The following CNBD2 variants were observed in gnomAD, a reference collection of about 807,000 sequenced individuals.
CNBD2 encodes cyclic nucleotide binding domain containing 2.
A neutral mutation model predicts 63.7 loss-of-function variants in CNBD2; 64 were observed. The ratio of observed to expected loss-of-function variants is 1.00; its 90% CI spans 0.82 to 1.24. The LOEUF (loss-of-function observed/expected upper bound fraction) is 1.24. Among genes scored for constraint, CNBD2 ranks in the 50% most tolerant of loss-of-function variants. The pLI is 0.00. For synonymous variants in CNBD2, 229 were observed against 255.4 expected (o/e 0.90, Z 0.99); for missense variants, 691 against 713.5 (o/e 0.97, Z 0.36).
upstream of CNBD2, chr20:35,954,424 C>G: frequency 6.4e-7 from 1 of 1,550,992 alleles, no homozygotes; most frequent in Non-Finnish European, 8.7e-7. Flanking sequence ...GACTCGGGAC[C>G]GGCCGAGAGT....
chr20:36,000,753 ATTTT>A (rs34139279), intron 8 of CNBD2, among the ~76,000 whole-genome samples: 1 of 121,622 alleles, frequency 8.2e-6, no homozygotes, highest in African/African-American at 3.3e-5. Flanking sequence ...TGTGTATGAA[ATTTT>A]TTTTTTTTTT....
rs147086070 is a variant in CNBD2 at position 36,018,573 on chromosome 20, ACCCGCC to A, written c.1270-5025_1270-5020del. ...ATGAGAGTGGTAACTGCTTGACTGA[ACCCGCC>A]CCCTGGAAGGTGGGTCACATCGTCC... On this transcript the variant is annotated intron_variant, in intron 10 of 11. Coordinates refer to ENST00000373973, the MANE Select transcript of CNBD2 (RefSeq NM_001365709.1). Among the ~76,000 whole-genome samples the A allele has an allele frequency of 3.8e-4, 58 of 152,128 alleles. No individual in the cohort carries two copies. In the East Asian group the frequency reaches 9.8e-3, roughly 26 times the overall value.
At chr20:36,008,556 A>G in intron 9 of CNBD2, 82 bp downstream of exon 9, 1 of 1,380,078 alleles carries the variant, frequency 7.2e-7, no homozygotes, top group East Asian at 2.4e-5. Flanking sequence ...AATGTCAGGG[A>G]TGCGGATAAG....
chr20:35,995,095 T>A lies in CNBD2; in HGVS notation c.913T>A (p.Trp305Arg). The change falls in exon 8 of 12, where the codon TGG (tryptophan) becomes AGG (arginine). Residue 305 changes from tryptophan (W) to arginine (R), a missense_variant. Physicochemically the swap from Trp to Arg is moderately radical, Grantham distance 101. Transcript: ENST00000373973. ...DLGASPSYRR[W>R]IWQHLELIDG... ...TGGGGCCTCCCCTTCCTACCGTAGATGGATCTGGCAGCACCTGGAGCTGAT... is the reference window on the plus strand; with the variant it reads ...TGGGGCCTCCCCTTCCTACCGTAGAAGGATCTGGCAGCACCTGGAGCTGAT... 2.5e-6 allele frequency: 4 copies of A among 1,614,134 alleles called. No homozygotes were observed. The highest frequency in any genetic ancestry group is 3.4e-6 in the Non-Finnish European group (4 of 1,179,998).
rs558994925 is a variant in CNBD2, at chr20:35,994,357, G to T, written c.856-681G>T. Among the ~76,000 whole-genome samples, 291 of 150,220 alleles carry T rather than the reference G, an allele frequency of 1.9e-3. 8 individuals carry two copies. Among genetic ancestry groups the T allele is most frequent in the Admixed American group, 0.016 (241 of 14,996 alleles). ...TAGGATTACAGGCGTGAGCCACAAG[G>T]CCGGCTTAATTTTTGTATTTTTAGT... On this transcript the variant is annotated intron_variant, in intron 7 of 11. Transcript: ENST00000373973.
At chr20:36,003,630 G>A (rs1408643075) in intron 8 of CNBD2, among the ~76,000 whole-genome samples, 1 of 152,128 alleles carries the variant, frequency 6.6e-6, no homozygotes, top group Non-Finnish European at 1.5e-5. Flanking sequence ...CTAATCATTT[G>A]GGGTGATTCT....
chr20:36,024,762 T>C (rs1347010281), intron 11 of CNBD2, among the ~76,000 whole-genome samples: 1 of 152,062 alleles, frequency 6.6e-6, no homozygotes, highest in Non-Finnish European at 1.5e-5. Context: ...ACCCTGTCTC[T>C]AGTAAACATA....
chr20:35,987,563 G>T, intron 7 of CNBD2, 30 bp downstream of exon 7: 1 of 1,612,944 alleles, frequency 6.2e-7, no homozygotes, highest in Non-Finnish European at 8.5e-7. Flanking sequence ...GGATGAGGGT[G>T]AACCTCTGAG....
downstream of CNBD2, among the ~76,000 whole-genome samples, chr20:35,959,762 T>G (rs942191025): frequency 6.6e-6 from 1 of 152,168 alleles, no homozygotes; most frequent in Non-Finnish European, 1.5e-5. Flanking sequence ...CTAGAGAGAT[T>G]AATTAACTTG....
At chr20:35,975,486 G>A (rs2056501147) in intron 2 of CNBD2, among the ~76,000 whole-genome samples, 3 of 136,284 alleles carry the variant, frequency 2.2e-5, no homozygotes, top group African/African-American at 8.3e-5. Context: ...ATTTTTAGTA[G>A]AGACGGGGTT....
At position 35,984,749 on chromosome 20, in the gene CNBD2, GGA is replaced by G. The variant is rs1420024043; in HGVS notation, c.688_689del (p.Asp230CysfsTer6). 5.2e-5 allele frequency: 84 copies of G among 1,614,030 alleles called. No individual in the cohort carries two copies. Among genetic ancestry groups the G allele is most frequent in the Non-Finnish European group, 6.8e-5 (80 of 1,180,020 alleles). On this transcript the variant is annotated frameshift_variant, in exon 6 of 12. Transcript: ENST00000373973. LOFTEE classifies it high-confidence loss of function. Reference sequence around the variant, plus strand: ...ATAAGCTGGACCAGGAAGTTCAGAAGGATGCTCAGTATCGGTTTGAATTTTTT... The same window carrying G: ...ATAAGCTGGACCAGGAAGTTCAGAAGTGCTCAGTATCGGTTTGAATTTTTT... ...ANKLDQEVQKDAQYRFEFFRK... is the reference protein window; with the variant it reads ...ANKLDQEVQKXAQYRFEFFRK...
chr20:35,994,745 C>T (rs979918419), intron 7 of CNBD2, among the ~76,000 whole-genome samples: 15 of 151,526 alleles, frequency 9.9e-5, no homozygotes, highest in Admixed American at 3.3e-4. Context: ...AAAAATTAGC[C>T]GGGCATGGTG....
rs775896271 is a variant in CNBD2, at chr20:35,995,059, C to A, written c.877C>A (p.Leu293Met). Reference protein sequence around the residue: ...ISKGSCEVLRLLDLGASPSYR... With the variant: ...ISKGSCEVLRMLDLGASPSYR... ...TCAGGGCAGCTGTGAAGTCCTGCGG[C>A]TGTTGGACCTTGGGGCCTCCCCTTC... The change falls in exon 8 of 12, where the codon CTG (leucine) becomes ATG (methionine). Residue 293 changes from leucine to methionine, a missense_variant. By Grantham distance (15) the Leu-to-Met change is conservative (BLOSUM62 2). Transcript: ENST00000373973. The A allele has an allele frequency of 6.2e-6, 10 of 1,614,126 alleles. No individual in the cohort carries two copies. The East Asian group carries it at 2.2e-4, about 36-fold the overall frequency.
At chr20:35,958,735 A>G (rs2056281860), downstream of CNBD2, 2 of 152,206 alleles carry the variant, frequency 1.3e-5, no homozygotes, top group South Asian at 2.1e-4. Flanking sequence ...TGATCACCAC[A>G]GAGATCCCTC....
At chr20:35,955,349 T>TA (rs1479031756) in exon 1 of CNBD2, 1 of 152,214 alleles carries the variant, frequency 6.6e-6, no homozygotes, top group South Asian at 2.1e-4. Flanking sequence ...TTGGGTCAAA[T>TA]AAAAATGTTA....
chr20:36,008,224 T>C (rs766809122), intron 8 of CNBD2, 73 bp from the exon 9 acceptor site: 35 of 1,298,192 alleles, frequency 2.7e-5, no homozygotes, highest in Non-Finnish European at 3.5e-5. Flanking sequence ...TGTGATAAGC[T>C]TCAACTACTA....
In CNBD2 at chr20:35,972,747, C is replaced by G; in HGVS notation, c.170C>G (p.Pro57Arg). 1.2e-6 allele frequency: 2 copies of G among 1,614,152 alleles called. No individual in the cohort carries two copies. The highest frequency in any genetic ancestry group is 1.7e-6 in the Non-Finnish European group (2 of 1,180,008). The change falls in exon 2 of 12, where the codon CCT (proline) becomes CGT (arginine). Residue 57 changes from proline to arginine, a missense_variant. Transcript: ENST00000373973. ...QIIETAHWKH[P>R]IFSFWDKKMQ... The stretch of plus-strand genomic sequence containing the variant: ...ATTGAGACTGCTCACTGGAAGCACC[C>G]TATCTTCTCCTTCTGGGATGTAAGC...
chr20:35,992,179 C>T (rs1350329819), intron 7 of CNBD2, among the ~76,000 whole-genome samples: 2 of 152,132 alleles, frequency 1.3e-5, no homozygotes, highest in African/African-American at 2.4e-5. Flanking sequence ...CCGCGCCTGG[C>T]GGGGAACTCA....
intron 9 of CNBD2, among the ~76,000 whole-genome samples, chr20:36,009,184 G>C (rs767157554): frequency 3.3e-5 from 5 of 151,712 alleles, no homozygotes; most frequent in Non-Finnish European, 7.4e-5. Flanking sequence ...CTGGGCAACA[G>C]AGCAAGATCT....
Sources: allele counts gnomAD v4.1 joint callset (sites outside exome capture counted in the v4.1 genomes callset), GRCh38; gene constraint gnomAD v4.1.1; transcripts MANE v1.5; gene names NCBI Gene and HGNC (gene_info 2026-07-23, HGNC 2026-07-21).